The following KIAA1217 variants were observed in gnomAD, a reference collection of about 807,000 sequenced individuals.
KIAA1217 encodes the protein sickle tail protein homolog.
Under a neutral mutation model 163.9 loss-of-function variants are expected in KIAA1217, and 88 were observed. That is an observed-to-expected ratio of 0.54 (90% confidence interval 0.45 to 0.64). The LOEUF is 0.64. Ranked by LOEUF, KIAA1217 falls within the 30% of genes least tolerant of loss-of-function variation. KIAA1217 has a pLI of 0.00. For synonymous variants in KIAA1217, 903 were observed against 923.1 expected (o/e 0.98, Z 0.39); for missense variants, 2,372 against 2,475.0 (o/e 0.96, Z 0.88).
At chr10:24,303,407 G>T (rs992172522) in intron 2 of KIAA1217, among the ~76,000 whole-genome samples, 3 of 152,142 alleles carry the variant, frequency 2.0e-5, no homozygotes, top group African/African-American at 7.2e-5. Flanking sequence ...CCGTGAGGAG[G>T]CTCCTGGACA....
intron 2 of KIAA1217, among the ~76,000 whole-genome samples, chr10:24,288,445 C>G (rs577330206): frequency 6.6e-6 from 1 of 152,340 alleles, no homozygotes; most frequent in Non-Finnish European, 1.5e-5. Flanking sequence ...ACCATGCCTT[C>G]AGCAAGCACA....
At chr10:24,495,032 A>C in intron 7 of KIAA1217, 115 bp from the exon 8 acceptor site, 1 of 829,544 alleles carries the variant, frequency 1.2e-6, no homozygotes, top group South Asian at 1.8e-5. Context: ...AAATACCTTC[A>C]TTGCTTAATC....
At chr10:24,040,038 T>A (rs1232605791) in intron 2 of KIAA1217, among the ~76,000 whole-genome samples, 1 of 152,162 alleles carries the variant, frequency 6.6e-6, no homozygotes, top group East Asian at 1.9e-4. Context: ...AATGCTTCTA[T>A]CCACACTGCA....
intron 2 of KIAA1217, among the ~76,000 whole-genome samples, chr10:24,111,614 C>T (rs1300141190): frequency 2.6e-5 from 4 of 152,116 alleles, no homozygotes; most frequent in Admixed American, 2.6e-4. Flanking sequence ...TTCATTTGAG[C>T]AACTTCACTG....
chr10:24,329,837 G>A (rs1250709579), intron 2 of KIAA1217, among the ~76,000 whole-genome samples: 1 of 152,144 alleles, frequency 6.6e-6, no homozygotes, highest in Admixed American at 6.5e-5. Context: ...AATCATAATG[G>A]AAAGAGGCTA....
At chr10:23,745,354 A>G (rs1046066860) in intron 1 of KIAA1217, among the ~76,000 whole-genome samples, 2 of 152,148 alleles carry the variant, frequency 1.3e-5, no homozygotes, top group Admixed American at 1.3e-4. Flanking sequence ...TCCATTCTGG[A>G]CAGAATGTTT....
intron 1 of KIAA1217, among the ~76,000 whole-genome samples, chr10:23,737,196 C>T (rs965881835): frequency 6.6e-6 from 1 of 151,882 alleles, no homozygotes; most frequent in Non-Finnish European, 1.5e-5. Context: ...TTCTACCAGA[C>T]TTACATTAAC....
chr10:24,304,817 G>A (rs1042722999), intron 2 of KIAA1217, among the ~76,000 whole-genome samples: 1 of 152,188 alleles, frequency 6.6e-6, no homozygotes, highest in African/African-American at 2.4e-5. Flanking sequence ...AAGAGCACAT[G>A]TGTAGTTTAG....
At chr10:24,411,864 G>A (rs1357495146) in intron 3 of KIAA1217, among the ~76,000 whole-genome samples, 7 of 151,824 alleles carry the variant, frequency 4.6e-5, no homozygotes, top group Non-Finnish European at 7.4e-5. Context: ...GTTTTCTTTG[G>A]ATTTTGGAGA....
At chr10:23,955,862 A>C (rs1439973659) in intron 1 of KIAA1217, among the ~76,000 whole-genome samples, 1 of 152,214 alleles carries the variant, frequency 6.6e-6, no homozygotes, top group Non-Finnish European at 1.5e-5. Flanking sequence ...GAAATCTGAA[A>C]GATGAAGGCA....
chr10:24,286,485 C>T (rs148093259), intron 2 of KIAA1217, among the ~76,000 whole-genome samples: 2 of 151,994 alleles, frequency 1.3e-5, no homozygotes, highest in African/African-American at 4.8e-5. Flanking sequence ...CACATACACA[C>T]ACACATACAC....
intron 2 of KIAA1217, among the ~76,000 whole-genome samples, chr10:24,025,758 C>CT (rs1429934793): frequency 1.3e-5 from 2 of 151,670 alleles, no homozygotes; most frequent in Non-Finnish European, 3.0e-5. Context: ...AAGTATTTCA[C>CT]TTTTTTGGTA....
chr10:24,262,588 C>T (rs2075830146), intron 2 of KIAA1217, among the ~76,000 whole-genome samples: 1 of 150,246 alleles, frequency 6.7e-6, no homozygotes, highest in South Asian at 2.1e-4. Context: ...GATCACACAA[C>T]TGCACTCCAG....
intron 1 of KIAA1217, among the ~76,000 whole-genome samples, chr10:23,719,696 A>G (rs1837762130): frequency 6.6e-6 from 1 of 152,172 alleles, no homozygotes; most frequent in Non-Finnish European, 1.5e-5. Context: ...AGGCAGGCGG[A>G]TCACAATGTT....
At chr10:23,803,711 A>G (rs1836591967) in intron 1 of KIAA1217, among the ~76,000 whole-genome samples, 1 of 152,192 alleles carries the variant, frequency 6.6e-6, no homozygotes, top group African/African-American at 2.4e-5. Flanking sequence ...TCAGTGAAAG[A>G]TTACTTTCTC....
chr10:24,104,181 T>C (rs1419921751), intron 2 of KIAA1217, among the ~76,000 whole-genome samples: 1 of 152,160 alleles, frequency 6.6e-6, no homozygotes, highest in East Asian at 1.9e-4. Context: ...CAAAGAGAAG[T>C]TGAAAACTTC....
intron 5 of KIAA1217, among the ~76,000 whole-genome samples, chr10:24,440,725 C>A (rs1282231672): frequency 6.6e-6 from 1 of 152,178 alleles, no homozygotes; most frequent in Non-Finnish European, 1.5e-5. Context: ...GTGTGAGAAA[C>A]TCAATCATTG....
rs11411265 is a variant in KIAA1217, at chr10:24,547,056, C to CTTTTTTTTT, written c.*740_*748dup. 6 of 127,944 alleles carry CTTTTTTTTT rather than the reference C, an allele frequency of 4.7e-5. No individual in the cohort carries two copies. The highest frequency in any genetic ancestry group is 8.4e-5 in the Admixed American group (1 of 11,860). The allele number at this position is 127,944 out of a possible 1,614,324, so 7.9% of individuals were successfully genotyped here. On this transcript the variant is annotated 3_prime_UTR_variant, in exon 21 of 21. Coordinates refer to ENST00000376454, the MANE Select transcript of KIAA1217 (RefSeq NM_019590.5). ...GCTTCTTTTCTTTCTTTTTTCCTTCCTTTTTTTTTTTTTTTTCTTTTTTAA... is the reference window on the plus strand; with the variant it reads ...GCTTCTTTTCTTTCTTTTTTCCTTCCTTTTTTTTTTTTTTTTTTTTTTTTTCTTTTTTAA...
chr10:24,025,391 A>C (rs1847896018), intron 2 of KIAA1217, among the ~76,000 whole-genome samples: 1 of 151,782 alleles, frequency 6.6e-6, no homozygotes, highest in Non-Finnish European at 1.5e-5. Flanking sequence ...ATCTTATTCC[A>C]AACATACTTT....
Sources: allele counts gnomAD v4.1 joint callset (sites outside exome capture counted in the v4.1 genomes callset), GRCh38; gene constraint gnomAD v4.1.1; transcripts MANE v1.5; gene names NCBI Gene and HGNC (gene_info 2026-07-23, HGNC 2026-07-21).